The following ZNF142 variants were observed in gnomAD, a reference collection of about 807,000 sequenced individuals.
The protein encoded by ZNF142 is zinc finger protein 142.
Under a neutral mutation model 132.1 loss-of-function variants are expected in ZNF142, and 96 were observed. The ratio of observed to expected loss-of-function variants is 0.73; its 90% CI spans 0.62 to 0.86. ZNF142 has a LOEUF of 0.86. Ranked by LOEUF, ZNF142 falls within the 40% of genes least tolerant of loss-of-function variation. The probability of loss-of-function intolerance (pLI) is 0.00; values close to 1 mark genes in which losing one functional copy is unlikely to be tolerated. For missense variants in ZNF142, 2,163 were observed against 2,336.2 expected (o/e 0.93, Z 1.53); for synonymous variants, 842 against 890.1 (o/e 0.95, Z 0.96).
chr2:218,642,360 C>T lies in ZNF142; in HGVS notation c.4756G>A (p.Asp1586Asn). ...CCCACCCGCTCCCGGGCAGCAAAGT[C>T]ACAGAGCTGACAGCGGTGGCTGAAA... ...QHFSHRCQLC[D>N]FAARERVGLV... The change falls in exon 9 of 11, where the codon GAC (aspartate) becomes AAC (asparagine). Residue 1586 changes from aspartate (D) to asparagine (N), a missense_variant. This residue lies in a region of ZNF142 where 809 missense variants were observed against 801.7 expected (regional missense o/e 1.01). Transcript: ENST00000411696. This position sits in a 1 kb window ranked among gnomAD's most constrained non-coding sequence, Gnocchi z 4.6. The T allele has an allele frequency of 6.2e-7, 1 of 1,613,342 alleles. No homozygotes were observed. Among genetic ancestry groups the T allele is most frequent in the South Asian group, 1.1e-5 (1 of 91,082 alleles).
rs1696582228 is a variant in ZNF142 at position 218,634,316 on chromosome 2, A to C, written c.*4023T>G. The C allele has an allele frequency of 2.5e-6, 4 of 1,572,760 alleles. No homozygotes were observed. Among genetic ancestry groups the C allele is most frequent in the Non-Finnish European group, 3.5e-6 (4 of 1,158,930 alleles). ...TGGTAGGGTTGGGGAATGCTCAAGA[A>C]AATTGCTAGGCTGAGAAATGCTATC... On this transcript the variant is annotated 3_prime_UTR_variant, in exon 11 of 11. Transcript: ENST00000411696. The surrounding 1 kb of genome is among the most constrained non-coding windows in gnomAD (Gnocchi z 4.0).
At position 218,644,063 on chromosome 2, in the gene ZNF142, A is replaced by C; in HGVS notation, c.3053T>G (p.Leu1018Trp). 3 of 1,614,010 alleles carry C rather than the reference A, an allele frequency of 1.9e-6. No homozygotes were observed. The highest frequency in any genetic ancestry group is 2.5e-6 in the Non-Finnish European group (3 of 1,179,972). ...RRQDKEQAEA[L>W]VLEGRVQMVV... ...CATCTGCACCCGCCCCTCTAGCACCAATGCCTCTGCTTGTTCTTTGTCCTG... is the reference window on the plus strand; with the variant it reads ...CATCTGCACCCGCCCCTCTAGCACCCATGCCTCTGCTTGTTCTTTGTCCTG... Residue 1018 changes from leucine (L) to tryptophan (W), a missense_variant, in exon 9 of 11, where the codon TTG becomes TGG. By Grantham distance (61) the Leu-to-Trp change is moderately conservative. Around this residue, in one of 7 missense-constraint regions of ZNF142, gnomAD observed 809 missense variants for 801.7 expected, o/e 1.01. Coordinates refer to ENST00000411696, the MANE Select transcript of ZNF142 (RefSeq NM_001379659.1). The surrounding 1 kb of genome is among the most constrained non-coding windows in gnomAD (Gnocchi z 4.6).
chr2:218,658,656 T>G (rs1938889582), intron 3 of ZNF142, 45 bp downstream of exon 3: 1 of 152,138 alleles, frequency 6.6e-6, no homozygotes, highest in Non-Finnish European at 1.5e-5. Context: ...GAAAGTGCAC[T>G]CCCGTGGTCA....
chr2:218,653,659 G>T (rs934152000), intron 4 of ZNF142, among the ~76,000 whole-genome samples: 1 of 151,784 alleles, frequency 6.6e-6, no homozygotes, highest in African/African-American at 2.4e-5. Flanking sequence ...ACCTTCACAC[G>T]CACAATTTGG....
At position 218,649,122 on chromosome 2, in the gene ZNF142, G is replaced by C. The variant is rs1253630976; in HGVS notation, c.1386C>G (p.Phe462Leu). The C allele has an allele frequency of 1.9e-6, 3 of 1,614,030 alleles. No individual in the cohort carries two copies. The highest frequency in any genetic ancestry group is 2.5e-6 in the Non-Finnish European group (3 of 1,180,060). The part of the protein sequence containing the change: ...TYACPVCREE[F>L]RLSQALKEHL... The stretch of plus-strand genomic sequence containing the variant: ...GCTCCTTTAGGGCCTGGCTGAGGCG[G>C]AATTCCTCACGGCAGACAGGACAGG... Residue 462 changes from phenylalanine to leucine, a missense_variant, in exon 7 of 11, where the codon TTC becomes TTG. Coordinates refer to ENST00000411696, the MANE Select transcript of ZNF142 (RefSeq NM_001379659.1).
At chr2:218,647,422 CAA>C (rs35920609) in intron 7 of ZNF142, among the ~76,000 whole-genome samples, 1 of 38,648 alleles carries the variant, frequency 2.6e-5, no homozygotes, top group African/African-American at 9.0e-5. Flanking sequence ...GACTCCATCT[CAA>C]AAAAAAAAAA....
At position 218,634,551 on chromosome 2, in the gene ZNF142, A is replaced by T; in HGVS notation, c.*3788T>A. On this transcript the variant is annotated 3_prime_UTR_variant, in exon 11 of 11. Transcript: ENST00000411696. This position sits in a 1 kb window ranked among gnomAD's most constrained non-coding sequence, Gnocchi z 4.0. ...GGCTGTGGCTATGTGCTGAAGCCAG[A>T]CTTCCTGCGTGATATCCAGAGTTCT... is the stretch of plus-strand genomic sequence containing the variant. 1 of 1,614,066 alleles carries T rather than the reference A, an allele frequency of 6.2e-7. No individual in the cohort carries two copies. Among genetic ancestry groups the T allele is most frequent in the South Asian group, 1.1e-5 (1 of 91,090 alleles).
rs1479521068 is a variant in ZNF142, at chr2:218,635,975, T to C, written c.*2364A>G. On this transcript the variant is annotated 3_prime_UTR_variant, in exon 11 of 11. Coordinates refer to ENST00000411696, the MANE Select transcript of ZNF142 (RefSeq NM_001379659.1). ...TGGGGAGGTGGGGGTAGGAGCATGA[T>C]TAGTTTTCCTTCTAGTCTGTCTTCC... 6.2e-7 allele frequency: 1 copy of C among 1,612,998 alleles called. No homozygotes were observed. Among genetic ancestry groups the C allele is most frequent in the Non-Finnish European group, 8.5e-7 (1 of 1,179,292 alleles).
At chr2:218,651,286 G>C (rs546867324) in intron 5 of ZNF142, among the ~76,000 whole-genome samples, 2 of 152,152 alleles carry the variant, frequency 1.3e-5, no homozygotes, top group African/African-American at 2.4e-5. Context: ...CCAGCCCAAA[G>C]GGTTATTTCC....
chr2:218,636,905 CTG>C lies in ZNF142; in HGVS notation c.*1432_*1433del, dbSNP rs1696794893. ...CTACAACTAATCTTTCCCATCAACT[CTG>C]TGTGAAGGCAGGTTGCAACTAGAAA... is the stretch of plus-strand genomic sequence containing the variant. On this transcript the variant is annotated 3_prime_UTR_variant, in exon 11 of 11. Coordinates refer to ENST00000411696, the MANE Select transcript of ZNF142 (RefSeq NM_001379659.1). 1 of 469,846 alleles carries C rather than the reference CTG, an allele frequency of 2.1e-6. No individual in the cohort carries two copies. Among genetic ancestry groups the C allele is most frequent in the South Asian group, 1.5e-5 (1 of 64,694 alleles). The allele number at this position is 469,846 out of a possible 1,614,324, so 29.1% of individuals were successfully genotyped here. A position where few individuals can be genotyped will look rare whatever the true frequency, so the allele number is the denominator to read the frequency against.
rs540959778 is a variant in ZNF142 at position 218,644,804 on chromosome 2, C to T, written c.2312G>A (p.Arg771His). The T allele has an allele frequency of 5.6e-6, 9 of 1,614,082 alleles. No homozygotes were observed. Among genetic ancestry groups the T allele is most frequent in the East Asian group, 2.2e-5 (1 of 44,898 alleles). The part of the protein sequence containing the change: ...SHENCKHTRL[R>H]EFHCALCDYR... ...GTCACAGAGGGCACAGTGGAACTCA[C>T]GGAGGCGGGTATGCTTGCAGTTCTC... The change falls in exon 9 of 11, where the codon CGT (arginine) becomes CAT (histidine). Residue 771 changes from arginine to histidine, a missense_variant. Arg to His is a conservative substitution (Grantham distance 29). This residue lies in a region of ZNF142 where 749 missense variants were observed against 830.3 expected (regional missense o/e 0.90). Coordinates refer to ENST00000411696, the MANE Select transcript of ZNF142 (RefSeq NM_001379659.1). The surrounding 1 kb of genome is among the most constrained non-coding windows in gnomAD (Gnocchi z 4.6).
At chr2:218,640,904 C>T in intron 9 of ZNF142, 135 bp from the exon 10 acceptor site, 24 of 606,728 alleles carry the variant, frequency 4.0e-5, no homozygotes, top group South Asian at 1.1e-4. Context: ...CTTTGTTTTT[C>T]TTAATCTTCA....
Position 218,636,136 on chromosome 2 carries a change from C to T in ZNF142, c.*2203G>A. On this transcript the variant is annotated 3_prime_UTR_variant, in exon 11 of 11. Transcript: ENST00000411696. ...GCTTACTCTGAGCCTTTTTCCTTAC[C>T]TGTAAAATGCTGATTGCCATCTAGA... 4 of 1,399,480 alleles carry T rather than the reference C, an allele frequency of 2.9e-6. No homozygotes were observed. The highest frequency in any genetic ancestry group is 1.9e-5 in the Admixed American group (1 of 53,694). 86.7% of individuals were successfully genotyped at this position (1,399,480 alleles called of 1,614,324 possible).
rs1696866693 is a variant in ZNF142 at position 218,638,222 on chromosome 2, C to T, written c.*117G>A. On this transcript the variant is annotated 3_prime_UTR_variant, in exon 11 of 11. Transcript: ENST00000411696. ...CAGAGTCCCAGGAAGGTTCTAGTCA[C>T]CCTTGTACCCCAAAAGCCAGTCTTT... The T allele has an allele frequency of 2.8e-6, 3 of 1,056,512 alleles. No homozygotes were observed. Among genetic ancestry groups the T allele is most frequent in the South Asian group, 4.9e-5 (2 of 40,600 alleles). 65.4% of individuals were successfully genotyped at this position (1,056,512 alleles called of 1,614,324 possible). A position where few individuals can be genotyped will look rare whatever the true frequency, so the allele number is the denominator to read the frequency against.
chr2:218,653,344 G>C (rs1313281146), intron 4 of ZNF142, among the ~76,000 whole-genome samples: 3 of 152,070 alleles, frequency 2.0e-5, no homozygotes, highest in South Asian at 2.1e-4. Flanking sequence ...TTGGAAGGAC[G>C]AGGTGGGTGG....
intron 9 of ZNF142, among the ~76,000 whole-genome samples, chr2:218,641,309 C>T (rs553133245): frequency 2.7e-5 from 4 of 146,288 alleles, no homozygotes; most frequent in Admixed American, 7.0e-5. Context: ...TGCAGTGGCG[C>T]GATCTCGGCT....
At chr2:218,657,958 T>A (rs1189109207) in intron 3 of ZNF142, among the ~76,000 whole-genome samples, 1 of 152,188 alleles carries the variant, frequency 6.6e-6, no homozygotes, top group Non-Finnish European at 1.5e-5. Flanking sequence ...AAGATTCCAG[T>A]GAAGAACCAC....
In ZNF142 at chr2:218,642,398, C is replaced by CG; in HGVS notation, c.4717dup (p.Arg1573ProfsTer14). ...GCGGTGGCTGAAATGCTGCTGCCTC[C>CG]GGTGCTCATCCAGAGCCAGTCGGCT... is the stretch of plus-strand genomic sequence containing the variant. On this transcript the variant is annotated frameshift_variant, in exon 9 of 11. Coordinates refer to ENST00000411696, the MANE Select transcript of ZNF142 (RefSeq NM_001379659.1). LOFTEE classifies it high-confidence loss of function. This position sits in a 1 kb window ranked among gnomAD's most constrained non-coding sequence, Gnocchi z 4.6. The CG allele has an allele frequency of 6.2e-7, 1 of 1,612,906 alleles. No homozygotes were observed. The highest frequency in any genetic ancestry group is 2.2e-5 in the East Asian group (1 of 44,888).
Position 218,651,993 on chromosome 2 carries a change from T to C in ZNF142, c.588A>G (p.Pro196=). The stretch of plus-strand genomic sequence containing the variant: ...CAGCAGAGAACACACAGCCAGATTC[T>C]GGGCAGGAGAAGGTGTCAGGAGTGC... ...HRGTPDTFSC[P]ESGCVFSAED... The change falls in exon 5 of 11, where the codon CCA becomes CCG. Residue 196 remains proline (P), a synonymous_variant. Coordinates refer to ENST00000411696, the MANE Select transcript of ZNF142 (RefSeq NM_001379659.1). 1.3e-6 allele frequency: 1 copy of C among 750,108 alleles called. No individual in the cohort carries two copies. Among genetic ancestry groups the C allele is most frequent in the Non-Finnish European group, 2.0e-6 (1 of 495,592 alleles). 46.5% of individuals were successfully genotyped at this position (750,108 alleles called of 1,614,324 possible).
Sources: gnomAD v4.1 joint callset for allele counts (sites outside exome capture counted in the v4.1 genomes callset) on GRCh38, gnomAD v4.1.1 for gene constraint, gnomAD v4.1.1 regional missense constraint, Gnocchi (gnomAD v3.1) non-coding constraint, MANE v1.5 for transcripts, NCBI Gene and HGNC (gene_info 2026-07-23, HGNC 2026-07-21) for gene names.